IQGAP1: variants seen among roughly 807,000 people sequenced by gnomAD.
The protein encoded by IQGAP1 is IQ motif containing GTPase activating protein 1.
In IQGAP1, 66 loss-of-function variants were observed where a neutral mutation model predicts 215.6. That is an observed-to-expected ratio of 0.31 (90% CI 0.25 to 0.38). The LOEUF (loss-of-function observed/expected upper bound fraction) is 0.38, where lower values mean the gene tolerates loss of function less well. IQGAP1 is among the 10% of genes least tolerant of loss of function. The pLI, the probability that IQGAP1 is intolerant of heterozygous loss-of-function variation, is 1.00. For missense variants in IQGAP1, 1,712 were observed against 1,997.1 expected (o/e 0.86, Z 2.72); for synonymous variants, 772 against 728.7 (o/e 1.06, Z -0.96).
intron 2 of IQGAP1, among the ~76,000 whole-genome samples, chr15:90,407,167 T>C (rs1407173500): frequency 2.6e-5 from 4 of 152,246 alleles, no homozygotes; most frequent in East Asian, 1.9e-4. Flanking sequence ...GGGTGTTGGT[T>C]GTCCATTAGT....
At chr15:90,481,138 G>T (rs578173049) in intron 26 of IQGAP1, among the ~76,000 whole-genome samples, 21 of 152,064 alleles carry the variant, frequency 1.4e-4, no homozygotes, top group African/African-American at 4.6e-4. Flanking sequence ...TGGAAACTCT[G>T]TTTCTTGACT....
intron 7 of IQGAP1, 100 bp from the exon 8 acceptor site, chr15:90,441,406 C>T: frequency 9.8e-7 from 1 of 1,022,182 alleles, no homozygotes; most frequent in Admixed American, 2.6e-5. Flanking sequence ...GCCTCTGTCT[C>T]TAATGGGGGG....
intron 2 of IQGAP1, among the ~76,000 whole-genome samples, chr15:90,413,603 A>G (rs1234946212): frequency 2.0e-5 from 3 of 152,162 alleles, no homozygotes; most frequent in African/African-American, 2.4e-5. Context: ...GATGTATAGA[A>G]AGTCTAGTTG....
intron 18 of IQGAP1, among the ~76,000 whole-genome samples, chr15:90,469,339 C>G (rs1005036833): frequency 7.2e-5 from 11 of 152,132 alleles, no homozygotes; most frequent in Non-Finnish European, 1.2e-4. Context: ...GTGTGTGGAA[C>G]AAGTCAAAAA....
chr15:90,476,383 T>G (rs1965979876), intron 23 of IQGAP1, among the ~76,000 whole-genome samples: 1 of 152,244 alleles, frequency 6.6e-6, no homozygotes, highest in African/African-American at 2.4e-5. Context: ...ATATGTAGCT[T>G]TTATTGTATT....
chr15:90,468,740 A>G (rs546889628), intron 18 of IQGAP1, among the ~76,000 whole-genome samples: 1 of 152,266 alleles, frequency 6.6e-6, no homozygotes, highest in Admixed American at 6.5e-5. Context: ...ATGAGGCAGA[A>G]GGATCACTTG....
At chr15:90,421,904 A>G (rs1429726850) in intron 2 of IQGAP1, among the ~76,000 whole-genome samples, 1 of 152,112 alleles carries the variant, frequency 6.6e-6, no homozygotes, top group East Asian at 1.9e-4. Context: ...CAAGTGATCC[A>G]CCCGCGTTGG....
chr15:90,438,892 T>A (rs937433379), intron 5 of IQGAP1, among the ~76,000 whole-genome samples: 1 of 152,034 alleles, frequency 6.6e-6, no homozygotes, highest in Non-Finnish European at 1.5e-5. Flanking sequence ...GCCTGGCTAA[T>A]TTTTGTATTT....
intron 2 of IQGAP1, among the ~76,000 whole-genome samples, chr15:90,413,715 C>T (rs1280947271): frequency 1.3e-5 from 2 of 152,268 alleles, no homozygotes; most frequent in Middle Eastern, 3.4e-3. Flanking sequence ...AGTTTTGCCT[C>T]TGAATGGTCT....
chr15:90,484,381 T>C, intron 30 of IQGAP1, 29 bp downstream of exon 30: 1 of 1,576,468 alleles, frequency 6.3e-7, no homozygotes, highest in Non-Finnish European at 8.7e-7. Context: ...TTACTTAATT[T>C]CATTGTCCTT....
chr15:90,478,423 A>G (rs1275096245), intron 26 of IQGAP1, among the ~76,000 whole-genome samples: 2 of 152,254 alleles, frequency 1.3e-5, no homozygotes, highest in African/African-American at 2.4e-5. Flanking sequence ...CAGTAATGCA[A>G]TAATGAGTGA....
intron 33 of IQGAP1, among the ~76,000 whole-genome samples, chr15:90,488,383 A>T (rs948287793): frequency 7.3e-5 from 11 of 151,544 alleles, no homozygotes; most frequent in African/African-American, 2.4e-4. Flanking sequence ...TATTTTTAAA[A>T]TTTGTATTAT....
chr15:90,446,193 A>T (rs1216530031), intron 9 of IQGAP1, among the ~76,000 whole-genome samples: 1 of 151,846 alleles, frequency 6.6e-6, no homozygotes, highest in Non-Finnish European at 1.5e-5. Context: ...TTACTGAGGG[A>T]TTTTTCTCTA....
chr15:90,497,707 T>C (rs1966290598), intron 37 of IQGAP1, among the ~76,000 whole-genome samples: 1 of 152,234 alleles, frequency 6.6e-6, no homozygotes, highest in African/African-American at 2.4e-5. Flanking sequence ...ATATAGGTAC[T>C]TAAAAGTTAG....
intron 2 of IQGAP1, among the ~76,000 whole-genome samples, chr15:90,411,012 G>A (rs560409155): frequency 4.3e-4 from 66 of 152,142 alleles, no homozygotes; most frequent in Non-Finnish European, 7.9e-4. Flanking sequence ...TCAATTCATG[G>A]AGTTTTCTTC....
At chr15:90,428,712 G>A (rs1965261240) in intron 3 of IQGAP1, among the ~76,000 whole-genome samples, 1 of 152,166 alleles carries the variant, frequency 6.6e-6, no homozygotes, top group Non-Finnish European at 1.5e-5. Flanking sequence ...GAGCCCAGGA[G>A]GTGAGGCTGC....
intron 3 of IQGAP1, among the ~76,000 whole-genome samples, chr15:90,426,470 T>C (rs971985352): frequency 3.3e-5 from 5 of 152,084 alleles, no homozygotes; most frequent in Non-Finnish European, 5.9e-5. Context: ...TTTTAGAATT[T>C]ATCTGGAAAG....
intron 35 of IQGAP1, chr15:90,494,340 A>C (rs1966245029): frequency 6.5e-6 from 1 of 154,720 alleles, no homozygotes; most frequent in Non-Finnish European, 1.4e-5. Context: ...TACACAGCTG[A>C]GGGGCGTAGA....
At chr15:90,427,019 G>C (rs1181349506) in intron 3 of IQGAP1, among the ~76,000 whole-genome samples, 1 of 151,306 alleles carries the variant, frequency 6.6e-6, no homozygotes, top group Admixed American at 6.6e-5. Context: ...TGTAATCCCA[G>C]TACTTGGAAG....
Sources: gnomAD v4.1 joint callset for allele counts (sites outside exome capture counted in the v4.1 genomes callset) on GRCh38, gnomAD v4.1.1 for gene constraint, MANE v1.5 for transcripts, NCBI Gene and HGNC (gene_info 2026-07-23, HGNC 2026-07-21) for gene names.